FSD1L: variants seen among roughly 807,000 people sequenced by gnomAD.
The protein encoded by FSD1L is fibronectin type III and SPRY domain containing 1 like, also known as FSD1-like protein.
FSD1L carries 45 observed loss-of-function variants against 71.6 expected under a neutral mutation model. The observed-to-expected ratio is 0.63, with a 90% CI of 0.49 to 0.81. FSD1L has a LOEUF of 0.81. Ranked by LOEUF, FSD1L falls within the 30% of genes least tolerant of loss-of-function variation. The pLI, the probability that FSD1L is intolerant of heterozygous loss-of-function variation, is 0.00. For synonymous variants in FSD1L, 197 were observed against 207.2 expected (o/e 0.95, Z 0.42); for missense variants, 561 against 618.1 (o/e 0.91, Z 0.98).
At chr9:105,479,228 T>C (rs1832013300) in intron 5 of FSD1L, 126 bp from the exon 6 acceptor site, 2 of 710,566 alleles carry the variant, frequency 2.8e-6, no homozygotes, top group Admixed American at 5.7e-5. Context: ...TAGTTTGTGT[T>C]TTGGTGAATA....
chr9:105,464,232 C>T lies in FSD1L; in HGVS notation c.112-4C>T. On this transcript the variant is annotated splice_polypyrimidine_tract_variant and splice_region_variant and intron_variant, in intron 2 of 13. Coordinates refer to ENST00000481272, the MANE Select transcript of FSD1L (RefSeq NM_001145313.3). ...TAGTATTTTAATGCTTTTCTTAATT[C>T]TAGGAAGCTCTACAGAGGATCATTT... The T allele has an allele frequency of 1.4e-6, 2 of 1,434,312 alleles. No homozygotes were observed. Among genetic ancestry groups the T allele is most frequent in the Middle Eastern group, 3.6e-4 (2 of 5,538 alleles). 88.8% of individuals were successfully genotyped at this position (1,434,312 alleles called of 1,614,324 possible).
chr9:105,479,851 G>T (rs1280396531), intron 6 of FSD1L, among the ~76,000 whole-genome samples: 2 of 151,898 alleles, frequency 1.3e-5, no homozygotes, highest in Non-Finnish European at 2.9e-5. Context: ...CCTGTTCCTG[G>T]TGCCATCTCT....
chr9:105,488,385 G>C (rs1832693725), intron 7 of FSD1L, among the ~76,000 whole-genome samples: 1 of 152,080 alleles, frequency 6.6e-6, no homozygotes, highest in African/African-American at 2.4e-5. Flanking sequence ...TGGAATAATA[G>C]TCCATTGTCT....
intron 6 of FSD1L, among the ~76,000 whole-genome samples, chr9:105,481,917 C>T (rs1832230389): frequency 6.6e-6 from 1 of 151,890 alleles, no homozygotes; most frequent in Non-Finnish European, 1.5e-5. Context: ...GGACTGCAGG[C>T]ACGTGCCACC....
chr9:105,451,597 TA>T (rs1830008411), intron 1 of FSD1L, among the ~76,000 whole-genome samples: 1 of 152,212 alleles, frequency 6.6e-6, no homozygotes, highest in Non-Finnish European at 1.5e-5. Flanking sequence ...AAAACCACAG[TA>T]TTAACTCCTG....
Position 105,535,121 on chromosome 9 carries a change from A to G in FSD1L, c.1181A>G (p.Asp394Gly), listed in dbSNP as rs1231677022. The change falls in exon 12 of 14, where the codon GAT (aspartate) becomes GGT (glycine). Residue 394 changes from aspartate (D) to glycine (G), a missense_variant. Physicochemically the swap from Asp to Gly is moderately conservative, Grantham distance 94. Transcript: ENST00000481272. ...TATTGGGAGGTCAAGGCCCAGAAGG[A>G]TTGTAAATCCTACAGTGTGGGAGTA... ...QHYWEVKAQK[D>G]CKSYSVGVAY... The G allele has an allele frequency of 1.9e-6, 3 of 1,551,664 alleles. No homozygotes were observed. Among genetic ancestry groups the G allele is most frequent in the Admixed American group, 2.0e-5 (1 of 50,984 alleles).
intron 10 of FSD1L, among the ~76,000 whole-genome samples, chr9:105,529,046 A>C (rs1835713544): frequency 6.6e-6 from 1 of 152,246 alleles, no homozygotes; most frequent in Admixed American, 6.5e-5. Context: ...CATTAGAGAA[A>C]TGCAAATCAA....
chr9:105,452,781 G>T lies in FSD1L; in HGVS notation c.15+4546G>T, dbSNP rs897446514. On this transcript the variant is annotated intron_variant, in intron 1 of 13. Transcript: ENST00000481272. Reference sequence around the variant, plus strand: ...TTTCTTTTTTCTTTCTCAGAGTCTTGCTGTCTTGCTCAGGCTGATGGCTCA... The same window carrying T: ...TTTCTTTTTTCTTTCTCAGAGTCTTTCTGTCTTGCTCAGGCTGATGGCTCA... 3.4e-5 allele frequency among the ~76,000 whole-genome samples: 5 copies of T among 148,888 alleles called. No individual in the cohort carries two copies. In the Admixed American group the frequency reaches 3.4e-4, roughly 10 times the overall value.
intron 13 of FSD1L, among the ~76,000 whole-genome samples, chr9:105,542,418 G>T (rs1836687132): frequency 6.6e-6 from 1 of 151,878 alleles, no homozygotes; most frequent in Non-Finnish European, 1.5e-5. Flanking sequence ...AAAATTATTT[G>T]CTTACTTTTT....
At chr9:105,443,062 T>A (rs1764299979), upstream of FSD1L, among the ~76,000 whole-genome samples, 1 of 152,232 alleles carries the variant, frequency 6.6e-6, no homozygotes, top group South Asian at 2.1e-4. Flanking sequence ...CTCACATGGT[T>A]TCACTAGTCA....
intron 13 of FSD1L, among the ~76,000 whole-genome samples, chr9:105,543,736 T>C (rs1415625878): frequency 6.6e-6 from 1 of 152,198 alleles, no homozygotes; most frequent in East Asian, 1.9e-4. Context: ...TCCAGCTTCA[T>C]CCATGTCCCT....
intron 7 of FSD1L, among the ~76,000 whole-genome samples, chr9:105,486,830 A>G (rs1832581559): frequency 6.6e-6 from 1 of 152,176 alleles, no homozygotes; most frequent in Non-Finnish European, 1.5e-5. Flanking sequence ...ACAAAAGAGT[A>G]TAAAGTAGCC....
chr9:105,521,898 A>G, intron 10 of FSD1L: 25 of 1,612,394 alleles, frequency 1.6e-5, no homozygotes, highest in Non-Finnish European at 2.1e-5. Flanking sequence ...TGAAATAAAA[A>G]ATCTTCTGGA....
At chr9:105,505,168 T>C (rs1833978949) in intron 7 of FSD1L, among the ~76,000 whole-genome samples, 1 of 152,232 alleles carries the variant, frequency 6.6e-6, no homozygotes, top group Non-Finnish European at 1.5e-5. Context: ...TAAAGTTCCT[T>C]TCTGTTCCGC....
intron 10 of FSD1L, 64 bp downstream of exon 10, chr9:105,513,000 T>C: frequency 7.5e-7 from 1 of 1,331,644 alleles, no homozygotes; most frequent in Non-Finnish European, 9.8e-7. Context: ...TATTTAACAA[T>C]AACTTTTATT....
rs541720965 is a variant in FSD1L, at chr9:105,463,630, G to A, written c.112-606G>A. Among the ~76,000 whole-genome samples, 99 of 152,222 alleles carry A rather than the reference G, an allele frequency of 6.5e-4. 3 individuals carry two copies. The South Asian group carries it at 0.016, about 24-fold the overall frequency. Reference sequence around the variant, plus strand: ...GTGGAAAATTTTATTGGATAGCACCGAACCAGAGAGAAAATTAACCAAATG... The same window carrying A: ...GTGGAAAATTTTATTGGATAGCACCAAACCAGAGAGAAAATTAACCAAATG... On this transcript the variant is annotated intron_variant, in intron 2 of 13. Transcript: ENST00000481272.
chr9:105,491,186 C>A (rs980335389), intron 7 of FSD1L, among the ~76,000 whole-genome samples: 1 of 151,818 alleles, frequency 6.6e-6, no homozygotes, highest in South Asian at 2.1e-4. Flanking sequence ...TTTCATTGAG[C>A]AGTGATTTGT....
chr9:105,526,258 A>G (rs2131444501), intron 10 of FSD1L: 1 of 1,602,224 alleles, frequency 6.2e-7, no homozygotes, highest in African/African-American at 1.3e-5. Context: ...CCTGCAAACA[A>G]TTGTCCAGCA....
intron 6 of FSD1L, among the ~76,000 whole-genome samples, chr9:105,481,197 T>C (rs1039258410): frequency 1.8e-4 from 24 of 135,288 alleles, no homozygotes; most frequent in Non-Finnish European, 3.7e-4. Flanking sequence ...TTTTTTTTTT[T>C]TTTTTTTGCT....
Sources: gnomAD v4.1 joint callset for allele counts (sites outside exome capture counted in the v4.1 genomes callset) on GRCh38, gnomAD v4.1.1 for gene constraint, MANE v1.5 for transcripts, NCBI Gene and HGNC (gene_info 2026-07-23, HGNC 2026-07-21) for gene names.